The following PRSS23 variants were observed in gnomAD, a reference collection of about 807,000 sequenced individuals.
The protein encoded by PRSS23 is serine protease 23, also known as protease, serine 23.
PRSS23 carries 25 observed loss-of-function variants against 34.7 expected under a neutral mutation model. That is an observed-to-expected ratio of 0.72 (90% CI 0.53 to 1.01). The LOEUF (loss-of-function observed/expected upper bound fraction) is 1.01, where lower values mean the gene tolerates loss of function less well. PRSS23 is among the 50% of genes least tolerant of loss of function. The pLI is 0.00. For synonymous variants in PRSS23, 176 were observed against 186.6 expected, an observed-to-expected ratio of 0.94 and a Z score of 0.46; for missense variants, 445 against 475.6, an observed-to-expected ratio of 0.94 and a Z score of 0.60.
Position 86,833,325 on chromosome 11 carries a change from A to G in PRSS23, c.206+9732A>G. 4 of 1,169,984 alleles carry G rather than the reference A, an allele frequency of 3.4e-6. No individual in the cohort carries two copies. The South Asian group carries it at 3.6e-5, about 11-fold the overall frequency. 72.5% of individuals were successfully genotyped at this position (1,169,984 alleles called of 1,614,324 possible). On this transcript the variant is annotated intron_variant, in intron 2 of 2. Coordinates refer to the PRSS23 transcript ENST00000533902. ...GGAAGTCAGAGCTGACGGCCAGGATAATGAGCAGATTCTCCAGCACCATGA... is the reference window on the plus strand; with the variant it reads ...GGAAGTCAGAGCTGACGGCCAGGATGATGAGCAGATTCTCCAGCACCATGA...
At chr11:86,887,408 CAAAACA>C (rs907664956) in intron 2 of PRSS23, among the ~76,000 whole-genome samples, 2 of 92,576 alleles carry the variant, frequency 2.2e-5, no homozygotes, top group African/African-American at 8.6e-5. Context: ...AAAAACAAAA[CAAAACA>C]AAAAAAAAAA....
At chr11:86,853,742 A>G (rs140455135) in intron 2 of PRSS23, among the ~76,000 whole-genome samples, 1 of 152,166 alleles carries the variant, frequency 6.6e-6, no homozygotes, top group East Asian at 1.9e-4. Flanking sequence ...TTTGGGAGGT[A>G]CCCACGAATG....
upstream of PRSS23, among the ~76,000 whole-genome samples, chr11:86,798,176 T>C (rs547024065): frequency 5.9e-5 from 9 of 152,338 alleles, no homozygotes; most frequent in East Asian, 5.8e-4. Flanking sequence ...GTTTCTTCAA[T>C]TGGGAGCTAC....
At chr11:86,851,282 G>C (rs1256385939) in intron 2 of PRSS23, among the ~76,000 whole-genome samples, 3 of 152,228 alleles carry the variant, frequency 2.0e-5, no homozygotes, top group African/African-American at 7.2e-5. Context: ...TGACTCCTTT[G>C]AGGAAGTCAA....
At chr11:86,873,610 C>G (rs1222452390) in intron 2 of PRSS23, among the ~76,000 whole-genome samples, 1 of 152,118 alleles carries the variant, frequency 6.6e-6, no homozygotes, top group Admixed American at 6.6e-5. Context: ...TACCCCTGGC[C>G]ATAGCTGATT....
At position 86,854,011 on chromosome 11, in the gene PRSS23, T is replaced by C. The variant is rs181511963; in HGVS notation, c.206+30418T>C. Reference sequence around the variant, plus strand: ...CTTATTGGCCATTGCTATATCTTCTTTTTTTTTGAGTCGCAGTCTCACTCT... The same window carrying C: ...CTTATTGGCCATTGCTATATCTTCTCTTTTTTTGAGTCGCAGTCTCACTCT... On this transcript the variant is annotated intron_variant, in intron 2 of 2. Coordinates refer to the PRSS23 transcript ENST00000533902. Among the ~76,000 whole-genome samples the C allele has an allele frequency of 7.4e-4, 113 of 152,124 alleles. 1 individual carries two copies. Among genetic ancestry groups the C allele is most frequent in the African/African-American group, 2.6e-3 (106 of 41,512 alleles).
intron 2 of PRSS23, among the ~76,000 whole-genome samples, chr11:86,938,044 C>T (rs1188364486): frequency 2.0e-5 from 3 of 152,220 alleles, no homozygotes; most frequent in Admixed American, 6.5e-5. Context: ...ATTGTCAACA[C>T]TACCTTGAAC....
intron 2 of PRSS23, among the ~76,000 whole-genome samples, chr11:86,853,188 A>T (rs942042858): frequency 7.2e-6 from 1 of 137,932 alleles, no homozygotes; most frequent in African/African-American, 2.7e-5. Flanking sequence ...TATTTCACTG[A>T]CGATGATGTC....
chr11:86,896,357 G>A (rs1317618438), intron 2 of PRSS23: 1 of 117,796 alleles, frequency 8.5e-6, no homozygotes, highest in Non-Finnish European at 1.9e-5. Context: ...ATTGACCTTT[G>A]TAAAAAAAAA....
chr11:86,867,768 T>C (rs910739492), intron 2 of PRSS23, among the ~76,000 whole-genome samples: 1 of 151,104 alleles, frequency 6.6e-6, no homozygotes, highest in Non-Finnish European at 1.5e-5. Context: ...TCCCAGCTAC[T>C]TGGGAGGTTG....
At chr11:86,825,814 G>T (rs1291379461) in intron 2 of PRSS23, among the ~76,000 whole-genome samples, 9 of 149,896 alleles carry the variant, frequency 6.0e-5, no homozygotes, top group Admixed American at 2.0e-4. Context: ...TATTTCTGAG[G>T]GCTCTGTTCT....
chr11:86,811,565 ATAGCCT>A (rs1948178693), downstream of PRSS23, among the ~76,000 whole-genome samples: 2 of 152,200 alleles, frequency 1.3e-5, no homozygotes, highest in African/African-American at 4.8e-5. Context: ...AGGTGGGAAA[ATAGCCT>A]TAAAGGGGTA....
intron 2 of PRSS23, among the ~76,000 whole-genome samples, chr11:86,923,065 G>T (rs1488720788): frequency 2.6e-5 from 4 of 151,006 alleles, no homozygotes; most frequent in Non-Finnish European, 5.9e-5. Flanking sequence ...ATGTTAAAAT[G>T]ATATATCACA....
chr11:86,951,080 T>A, intron 2 of PRSS23: 2 of 1,565,644 alleles, frequency 1.3e-6, no homozygotes, highest in Non-Finnish European at 1.8e-6. Flanking sequence ...TTTAGTAGAA[T>A]TTCCTCCAAA....
chr11:86,812,558 C>T (rs915556621), downstream of PRSS23, among the ~76,000 whole-genome samples: 12 of 152,034 alleles, frequency 7.9e-5, no homozygotes, highest in African/African-American at 2.9e-4. Flanking sequence ...GAGGCTGAGG[C>T]AGGTGGATCA....
chr11:86,791,371 G>A (rs959964027), intron 1 of PRSS23, among the ~76,000 whole-genome samples: 5 of 152,200 alleles, frequency 3.3e-5, no homozygotes, highest in African/African-American at 7.2e-5. Flanking sequence ...ATCTGTGTGC[G>A]GAGGGCAGAA....
intron 2 of PRSS23, chr11:86,833,189 C>T (rs1200506900): frequency 8.8e-7 from 1 of 1,136,146 alleles, no homozygotes; most frequent in African/African-American, 1.5e-5. Context: ...TAGGAGATGA[C>T]TCTGCTGTGA....
chr11:86,952,593 T>C (rs1288088123), exon 3 of PRSS23: 3 of 1,013,502 alleles, frequency 3.0e-6, no homozygotes, highest in Non-Finnish European at 4.5e-6. Context: ...TAAACCAACC[T>C]ATCGGGAGTC....
At chr11:86,822,260 C>G (rs968482672) in intron 1 of PRSS23, among the ~76,000 whole-genome samples, 2 of 152,116 alleles carry the variant, frequency 1.3e-5, no homozygotes, top group African/African-American at 4.8e-5. Flanking sequence ...GGAGGAATGA[C>G]CACCATCTTT....
Sources: gnomAD v4.1 joint callset for allele counts (sites outside exome capture counted in the v4.1 genomes callset) on GRCh38, gnomAD v4.1.1 for gene constraint, MANE v1.5 for transcripts, NCBI Gene and HGNC (gene_info 2026-07-23, HGNC 2026-07-21) for gene names.